The following EPC1 variants were observed in gnomAD, a reference collection of about 807,000 sequenced individuals.
EPC1 encodes enhancer of polycomb 1.
A neutral mutation model predicts 98.4 loss-of-function variants in EPC1; 12 were observed. The observed-to-expected ratio is 0.12, with a 90% confidence interval of 0.08 to 0.20. The LOEUF (loss-of-function observed/expected upper bound fraction) is 0.20. EPC1 is among the 10% of genes least tolerant of loss of function. The pLI, the probability that EPC1 is intolerant of heterozygous loss-of-function variation, is 1.00. For synonymous variants in EPC1, 357 were observed against 363.9 expected, an observed-to-expected ratio of 0.98 and a Z score of 0.21; for missense variants, 729 against 990.5, an observed-to-expected ratio of 0.74 and a Z score of 3.54.
intron 1 of EPC1, among the ~76,000 whole-genome samples, chr10:32,361,417 A>G (rs1391016626): frequency 6.6e-6 from 1 of 152,214 alleles, no homozygotes; most frequent in African/African-American, 2.4e-5. Context: ...TGAGCTGGTT[A>G]TTCTGAGAAG....
chr10:32,313,680 G>A (rs1034824417), intron 1 of EPC1, among the ~76,000 whole-genome samples: 1 of 152,114 alleles, frequency 6.6e-6, no homozygotes, highest in Non-Finnish European at 1.5e-5. Context: ...CACCTGAGGA[G>A]TTTGAGACCA....
intron 6 of EPC1, among the ~76,000 whole-genome samples, chr10:32,289,775 C>G (rs967089502): frequency 6.6e-6 from 1 of 151,972 alleles, no homozygotes; most frequent in Non-Finnish European, 1.5e-5. Context: ...AGGCGCCCAC[C>G]AGCACGCCCG....
intron 1 of EPC1, among the ~76,000 whole-genome samples, chr10:32,334,078 A>G (rs1177149608): frequency 6.6e-6 from 1 of 152,260 alleles, no homozygotes; most frequent in Admixed American, 6.5e-5. Flanking sequence ...CCACATGCCC[A>G]AAGGGCAAAG....
intron 2 of EPC1, among the ~76,000 whole-genome samples, chr10:32,301,729 G>GA (rs767040945): frequency 6.6e-6 from 1 of 151,944 alleles, no homozygotes; most frequent in Admixed American, 6.6e-5. Flanking sequence ...TATCAAGAGG[G>GA]AAAAAAATGA....
rs1275700135 is a variant in EPC1 at position 32,286,782 on chromosome 10, C to T, written c.1303G>A (p.Asp435Asn). 2 of 1,613,976 alleles carry T rather than the reference C, an allele frequency of 1.2e-6. No homozygotes were observed. The highest frequency in any genetic ancestry group is 1.7e-6 in the Non-Finnish European group (2 of 1,180,024). ...WTSPKDGGLG[D>N]VRYRYCLTTL... Reference sequence around the variant, plus strand: ...GTTAAGCAGTATCTATATCGCACATCCCCTAATCCTCCATCTTTAGGACTA... The same window carrying T: ...GTTAAGCAGTATCTATATCGCACATTCCCTAATCCTCCATCTTTAGGACTA... Residue 435 changes from aspartate (D) to asparagine (N), a missense_variant, in exon 9 of 14, where the codon GAT becomes AAT. By Grantham distance (23) the Asp-to-Asn change is conservative (BLOSUM62 1). Coordinates refer to ENST00000319778, the MANE Select transcript of EPC1 (RefSeq NM_001272004.3).
In EPC1 at chr10:32,271,802, A is replaced by G. The variant is rs372077598; in HGVS notation, c.2121T>C (p.Ser707=). 7 of 1,614,042 alleles carry G rather than the reference A, an allele frequency of 4.3e-6. No homozygotes were observed. The highest frequency in any genetic ancestry group is 4.0e-5 in the African/African-American group (3 of 74,920). Residue 707 remains serine (S), a synonymous_variant, in exon 13 of 14, where the codon AGT becomes AGC. Transcript: ENST00000319778. ...LQPSNITQTS[S]SHSALSHQVT... ...CTTGATGACTCAGTGCACTGTGGGA[A>G]CTTGAAGTCTGTGTAATATTTGAAG...
At chr10:32,302,295 G>C (rs1359486309) in intron 2 of EPC1, among the ~76,000 whole-genome samples, 1 of 151,908 alleles carries the variant, frequency 6.6e-6, no homozygotes, top group East Asian at 1.9e-4. Flanking sequence ...ACTGTGTCTA[G>C]AATATTATCT....
At chr10:32,331,634 A>C (rs1338700505) in intron 1 of EPC1, among the ~76,000 whole-genome samples, 1 of 152,214 alleles carries the variant, frequency 6.6e-6, no homozygotes, top group Non-Finnish European at 1.5e-5. Flanking sequence ...AGTAAAAATA[A>C]GTATTTTAAT....
At chr10:32,272,315 C>G in intron 11 of EPC1, 148 bp from the exon 12 acceptor site, 2 of 601,226 alleles carry the variant, frequency 3.3e-6, no homozygotes. Context: ...TGAGATGCAA[C>G]AGTAATTATA....
At chr10:32,347,573 G>C (rs1164868598), upstream of EPC1, 2 of 152,050 alleles carry the variant, frequency 1.3e-5, no homozygotes, top group African/African-American at 4.8e-5. Flanking sequence ...GGGGCTCGGA[G>C]GGCTCGGACC....
At chr10:32,355,843 G>A (rs776243761) in intron 1 of EPC1, among the ~76,000 whole-genome samples, 21 of 152,204 alleles carry the variant, frequency 1.4e-4, no homozygotes, top group South Asian at 8.3e-4. Context: ...ACTCCAGACC[G>A]CAGGTGATCT....
chr10:32,356,194 C>CT (rs1392536712), intron 1 of EPC1, among the ~76,000 whole-genome samples: 1 of 152,146 alleles, frequency 6.6e-6, no homozygotes, highest in Non-Finnish European at 1.5e-5. Flanking sequence ...TGTTTTCTTA[C>CT]TGAAACTTGG....
chr10:32,337,541 A>G (rs2505400), intron 1 of EPC1, among the ~76,000 whole-genome samples: 122,395 of 152,170 alleles, frequency 0.8, 50,173 homozygotes, highest in East Asian at 0.96. Context: ...GAGCTGCCAC[A>G]TCTGTTTGGA....
chr10:32,275,810 T>G (rs1167842786), intron 10 of EPC1, among the ~76,000 whole-genome samples: 5 of 147,456 alleles, frequency 3.4e-5, no homozygotes, highest in East Asian at 2.0e-4. Flanking sequence ...ATTAGCTGGG[T>G]GTGGTAGTCC....
intron 1 of EPC1, among the ~76,000 whole-genome samples, chr10:32,344,388 A>G (rs1838605993): frequency 2.0e-5 from 3 of 152,066 alleles, no homozygotes; most frequent in African/African-American, 2.4e-5. Flanking sequence ...GAAAAATTCT[A>G]AACAGATATT....
intron 2 of EPC1, among the ~76,000 whole-genome samples, chr10:32,299,951 T>C (rs1337191038): frequency 1.3e-5 from 2 of 152,130 alleles, no homozygotes; most frequent in Admixed American, 1.3e-4. Flanking sequence ...GCTCGCTCTG[T>C]TGCCCAAGAT....
At position 32,321,602 on chromosome 10, in the gene EPC1, C is replaced by T. The variant is rs1355750676; in HGVS notation, c.154-15671G>A. On this transcript the variant is annotated intron_variant, in intron 1 of 13. Coordinates refer to ENST00000319778, the MANE Select transcript of EPC1 (RefSeq NM_001272004.3). The stretch of plus-strand genomic sequence containing the variant: ...AGACTAAAGAATGCTCTACTATTTA[C>T]ATAGTGAAAATGACTGAGAGAAGAG... 3.3e-5 allele frequency among the ~76,000 whole-genome samples: 5 copies of T among 151,576 alleles called. No homozygotes were observed. In the East Asian group the frequency reaches 7.8e-4, roughly 24 times the overall value.
At position 32,273,238 on chromosome 10, in the gene EPC1, T is replaced by C; in HGVS notation, c.1788A>G (p.Ala596=). ...EQYQQHQQQL[A]LMQKQQLAQI... is the part of the protein sequence containing the mutation. ...GTGCAAGCTGCTGTTTCTGCATGAG[T>C]GCCAGTTGCTGTTGATGTTGCTGGT... Residue 596 remains alanine, a synonymous_variant, in exon 11 of 14, where the codon GCA becomes GCG. Transcript: ENST00000319778. 3 of 1,613,872 alleles carry C rather than the reference T, an allele frequency of 1.9e-6. No homozygotes were observed. Among genetic ancestry groups the C allele is most frequent in the Non-Finnish European group, 2.5e-6 (3 of 1,179,726 alleles).
In EPC1 at chr10:32,273,190, A is replaced by G; in HGVS notation, c.1836T>C (p.Asn612=). 6.2e-7 allele frequency: 1 copy of G among 1,614,046 alleles called. No individual in the cohort carries two copies. The highest frequency in any genetic ancestry group is 8.5e-7 in the Non-Finnish European group (1 of 1,179,968). Residue 612 remains asparagine (N), a synonymous_variant, in exon 11 of 14, where the codon AAT becomes AAC. Coordinates refer to ENST00000319778, the MANE Select transcript of EPC1 (RefSeq NM_001272004.3). ...QLAQIQQQQA[N]SNSSTNTSQG... is the part of the protein sequence containing the mutation. ...GTGATGTGTTGGTGGAGGAATTACT[A>G]TTTGCTTGCTGTTGCTGAATTTGTG...
Sources: gnomAD v4.1 joint callset for allele counts (sites outside exome capture counted in the v4.1 genomes callset) on GRCh38, gnomAD v4.1.1 for gene constraint, MANE v1.5 for transcripts, NCBI Gene and HGNC (gene_info 2026-07-23, HGNC 2026-07-21) for gene names.